The following AKAP6 variants were observed in gnomAD, a reference collection of about 807,000 sequenced individuals.
The protein encoded by AKAP6 is A-kinase anchoring protein 6, also known as A-kinase anchor protein 6.
In AKAP6, 58 loss-of-function variants were observed where a neutral mutation model predicts 188.5. The observed-to-expected ratio is 0.31, with a 90% CI of 0.25 to 0.38. The LOEUF (loss-of-function observed/expected upper bound fraction) is 0.38, where lower values mean the gene tolerates loss of function less well. Ranked by LOEUF, AKAP6 falls within the 10% of genes least tolerant of loss-of-function variation. The pLI is 1.00. For missense variants in AKAP6, 2,710 were observed against 2,740.0 expected (o/e 0.99, Z 0.24); for synonymous variants, 989 against 998.6 (o/e 0.99, Z 0.18).
At chr14:32,577,746 C>T (rs1010835169) in intron 5 of AKAP6, among the ~76,000 whole-genome samples, 1 of 151,990 alleles carries the variant, frequency 6.6e-6, no homozygotes, top group African/African-American at 2.4e-5. Context: ...ATAATTAATA[C>T]AACTGTCATT....
intron 7 of AKAP6, among the ~76,000 whole-genome samples, chr14:32,621,154 T>C (rs1208920631): frequency 5.3e-5 from 8 of 152,040 alleles, no homozygotes; most frequent in African/African-American, 1.7e-4. Flanking sequence ...TGTTTTGTGT[T>C]TTTTCTTGTT....
intron 2 of AKAP6, among the ~76,000 whole-genome samples, chr14:32,497,371 T>C (rs373409190): frequency 3.9e-5 from 6 of 152,176 alleles, no homozygotes; most frequent in Non-Finnish European, 5.9e-5. Context: ...CTTTCTTGAC[T>C]CATGGAGTAT....
intron 8 of AKAP6, among the ~76,000 whole-genome samples, chr14:32,690,332 A>C (rs1216978784): frequency 6.6e-6 from 1 of 152,176 alleles, no homozygotes; most frequent in East Asian, 1.9e-4. Context: ...AGCAAAGTTT[A>C]AGTTGAAATG....
intron 9 of AKAP6, among the ~76,000 whole-genome samples, chr14:32,707,521 A>G (rs1224328430): frequency 1.3e-5 from 2 of 152,098 alleles, no homozygotes; most frequent in African/African-American, 4.8e-5. Flanking sequence ...TAGTAGGCCA[A>G]ATTTGAGAAT....
intron 2 of AKAP6, chr14:32,473,831 C>T (rs1878911464): frequency 6.6e-6 from 1 of 152,246 alleles, no homozygotes; most frequent in African/African-American, 2.4e-5. Flanking sequence ...GTTACACTTC[C>T]TTGACACCTC....
chr14:32,429,255 G>A (rs1225611373), intron 1 of AKAP6, among the ~76,000 whole-genome samples: 1 of 152,196 alleles, frequency 6.6e-6, no homozygotes, highest in African/African-American at 2.4e-5. Context: ...AAGATGACTT[G>A]TAAACAAGAA....
At position 32,836,272 on chromosome 14, in the gene AKAP6, A is replaced by T. The variant is rs4982010; in HGVS notation, c.*6467A>T. ...TCAAGATCAAGATGCTAGCAGATTC[A>T]GTGTCTGAGGAGGGCTCACTTTCTG... On this transcript the variant is annotated 3_prime_UTR_variant, in exon 14 of 14. Transcript: ENST00000280979. The T allele has an allele frequency of 0.09, 13,735 of 152,254 alleles. 961 individuals carry two copies. The highest frequency in any genetic ancestry group is 0.31 in the East Asian group (1,590 of 5,126). The allele number at this position is 152,254 out of a possible 1,614,324, so 9.4% of individuals were successfully genotyped here.
chr14:32,356,171 C>T (rs1038706328), intron 1 of AKAP6, among the ~76,000 whole-genome samples: 1 of 152,146 alleles, frequency 6.6e-6, no homozygotes, highest in Non-Finnish European at 1.5e-5. Context: ...AAAACAAGAA[C>T]ATATTTTTTT....
intron 2 of AKAP6, among the ~76,000 whole-genome samples, chr14:32,483,112 C>G (rs1321108057): frequency 2.0e-5 from 3 of 151,956 alleles, no homozygotes; most frequent in Admixed American, 6.6e-5. Context: ...ATGTGTCTTT[C>G]AGCACATCCT....
intron 1 of AKAP6, among the ~76,000 whole-genome samples, chr14:32,401,763 T>G (rs1159234457): frequency 6.6e-6 from 1 of 152,248 alleles, no homozygotes; most frequent in Admixed American, 6.5e-5. Flanking sequence ...CAAGTCAACA[T>G]TGATTTTATT....
At chr14:32,363,723 G>C (rs1322432726) in intron 1 of AKAP6, among the ~76,000 whole-genome samples, 1 of 152,126 alleles carries the variant, frequency 6.6e-6, no homozygotes, top group African/African-American at 2.4e-5. Flanking sequence ...ACTGAGGGTG[G>C]GTCTGCCTCT....
intron 2 of AKAP6, among the ~76,000 whole-genome samples, chr14:32,455,924 G>A (rs1279202394): frequency 6.6e-6 from 1 of 152,144 alleles, no homozygotes; most frequent in Non-Finnish European, 1.5e-5. Flanking sequence ...GGGGGTAAAG[G>A]TGATTCACCA....
At chr14:32,690,402 C>A (rs1382002366) in intron 8 of AKAP6, among the ~76,000 whole-genome samples, 1 of 152,114 alleles carries the variant, frequency 6.6e-6, no homozygotes, top group Non-Finnish European at 1.5e-5. Context: ...TATTCAAACA[C>A]TTAGCTAGTC....
At chr14:32,781,695 G>A (rs2033255391) in intron 12 of AKAP6, among the ~76,000 whole-genome samples, 2 of 152,048 alleles carry the variant, frequency 1.3e-5, no homozygotes, top group Non-Finnish European at 2.9e-5. Flanking sequence ...ATATAAAATA[G>A]AAACTACATC....
At chr14:32,475,135 G>A (rs1231599248) in intron 2 of AKAP6, among the ~76,000 whole-genome samples, 1 of 152,150 alleles carries the variant, frequency 6.6e-6, no homozygotes, top group Non-Finnish European at 1.5e-5. Flanking sequence ...TAATCACAGT[G>A]AACCTTTGTT....
At position 32,482,786 on chromosome 14, in the gene AKAP6, G is replaced by T. The variant is rs150560765; in HGVS notation, c.324+48969G>T. Among the ~76,000 whole-genome samples the T allele has an allele frequency of 3.0e-3, 454 of 152,200 alleles. 3 individuals carry two copies. Among genetic ancestry groups the T allele is most frequent in the African/African-American group, 0.01 (432 of 41,540 alleles). ...AACGTCCCAAATAAGAATACTATGAGCTGTAAACAACTGCATAGTTTTCTA... is the reference window on the plus strand; with the variant it reads ...AACGTCCCAAATAAGAATACTATGATCTGTAAACAACTGCATAGTTTTCTA... On this transcript the variant is annotated intron_variant, in intron 2 of 13. Transcript: ENST00000280979.
rs567963121 is a variant in AKAP6, at chr14:32,821,029, A to C, written c.3589-373A>C. Among the ~76,000 whole-genome samples the C allele has an allele frequency of 2.6e-5, 4 of 152,260 alleles. No homozygotes were observed. The East Asian group carries it at 7.7e-4, about 29-fold the overall frequency. On this transcript the variant is annotated intron_variant, in intron 12 of 13. Coordinates refer to ENST00000280979, the MANE Select transcript of AKAP6 (RefSeq NM_004274.5). ...ACTGAAATAGTATCAGTGTGAATGCACCTTAGGAGATGTCATAGGCTGTAC... is the reference window on the plus strand; with the variant it reads ...ACTGAAATAGTATCAGTGTGAATGCCCCTTAGGAGATGTCATAGGCTGTAC...
chr14:32,590,458 A>G (rs1885442682), intron 5 of AKAP6, among the ~76,000 whole-genome samples: 1 of 152,190 alleles, frequency 6.6e-6, no homozygotes, highest in South Asian at 2.1e-4. Context: ...AAACAAAACA[A>G]AACAAAACTA....
At chr14:32,583,921 A>C (rs1168720591) in intron 5 of AKAP6, among the ~76,000 whole-genome samples, 1 of 152,156 alleles carries the variant, frequency 6.6e-6, no homozygotes, top group Non-Finnish European at 1.5e-5. Flanking sequence ...CTGACCCCTC[A>C]CGATTCCCGA....
Sources: allele counts gnomAD v4.1 joint callset (sites outside exome capture counted in the v4.1 genomes callset), GRCh38; gene constraint gnomAD v4.1.1; transcripts MANE v1.5; gene names NCBI Gene and HGNC (gene_info 2026-07-23, HGNC 2026-07-21).